The following SYTL3 variants were observed in gnomAD, a reference collection of about 807,000 sequenced individuals.
SYTL3 encodes the protein synaptotagmin like 3.
Under a neutral mutation model 82.1 loss-of-function variants are expected in SYTL3, and 88 were observed. That is an observed-to-expected ratio of 1.07 (90% CI 0.90 to 1.28). The LOEUF is 1.28. SYTL3 is among the 50% of genes most tolerant of loss of function. SYTL3 has a pLI of 0.00. For synonymous variants in SYTL3, 311 were observed against 289.4 expected (o/e 1.07, Z -0.76); for missense variants, 831 against 757.6 (o/e 1.10, Z -1.14).
intron 10 of SYTL3, among the ~76,000 whole-genome samples, chr6:158,719,071 A>G (rs1783767084): frequency 4.6e-5 from 7 of 152,198 alleles, no homozygotes; most frequent in Admixed American, 4.6e-4. Flanking sequence ...AATGAAGATG[A>G]TAATACCTGT....
intron 6 of SYTL3, among the ~76,000 whole-genome samples, chr6:158,689,625 T>G (rs1048695470): frequency 3.9e-5 from 6 of 152,052 alleles, no homozygotes; most frequent in African/African-American, 1.4e-4. Flanking sequence ...AATATCCACA[T>G]TAATTTTCTT....
chr6:158,695,328 A>T (rs964834576), intron 6 of SYTL3, among the ~76,000 whole-genome samples: 3 of 152,226 alleles, frequency 2.0e-5, no homozygotes, highest in Admixed American at 2.0e-4. Flanking sequence ...AAGGTGAAGT[A>T]ATTGAACTGA....
intron 13 of SYTL3, among the ~76,000 whole-genome samples, chr6:158,752,586 G>T (rs966444031): frequency 1.3e-5 from 2 of 152,236 alleles, no homozygotes; most frequent in Non-Finnish European, 2.9e-5. Context: ...TGAGGGCAGA[G>T]ATGGGGCCAT....
intron 11 of SYTL3, among the ~76,000 whole-genome samples, chr6:158,744,294 CTTTTTCTTTCTTTTTTTTTTTTTT>C (rs1562452361): frequency 9.3e-6 from 1 of 107,140 alleles, no homozygotes; most frequent in Non-Finnish European, 1.8e-5. Context: ...TTTTTTTTTT[CTTTTTCTTTCTTTTTTTTTTTTTT>C]TTTTTTGAGA....
At chr6:158,651,503 G>A (rs1215832207) in intron 1 of SYTL3, among the ~76,000 whole-genome samples, 1 of 152,054 alleles carries the variant, frequency 6.6e-6, no homozygotes, top group East Asian at 1.9e-4. Context: ...CAGGGGAATT[G>A]CTTGAACCCG....
intron 8 of SYTL3, among the ~76,000 whole-genome samples, chr6:158,709,263 C>CT (rs1782487192): frequency 1.3e-5 from 2 of 152,158 alleles, no homozygotes; most frequent in East Asian, 3.9e-4. Flanking sequence ...CACACCTAAC[C>CT]TACCAAACAT....
intron 12 of SYTL3, among the ~76,000 whole-genome samples, chr6:158,748,780 C>CG (rs1017575641): frequency 6.7e-6 from 1 of 148,632 alleles, no homozygotes; most frequent in African/African-American, 2.5e-5. Context: ...GGGAGGTAGA[C>CG]GTTGCAGTGA....
intron 14 of SYTL3, 71 bp from the exon 15 acceptor site, chr6:158,760,569 C>A: frequency 7.3e-7 from 1 of 1,374,592 alleles, no homozygotes; most frequent in South Asian, 1.2e-5. Context: ...GAAGCTGAGA[C>A]AACCAGAGGA....
At chr6:158,660,297 A>G (rs1789224064) in intron 2 of SYTL3, among the ~76,000 whole-genome samples, 1 of 152,162 alleles carries the variant, frequency 6.6e-6, no homozygotes, top group Non-Finnish European at 1.5e-5. Flanking sequence ...AACAAAAAAC[A>G]AAAAAACCCG....
intron 11 of SYTL3, among the ~76,000 whole-genome samples, chr6:158,734,094 C>CACAAAA (rs1785813861): frequency 1.3e-5 from 1 of 74,544 alleles, no homozygotes; most frequent in African/African-American, 5.5e-5. Flanking sequence ...GACCCTGTCT[C>CACAAAA]AAAAAAAAAA....
At chr6:158,748,603 G>T (rs1054087729) in intron 12 of SYTL3, among the ~76,000 whole-genome samples, 3 of 152,194 alleles carry the variant, frequency 2.0e-5, no homozygotes, top group African/African-American at 7.2e-5. Flanking sequence ...CCAGCACTCT[G>T]GGAGGCCAAG....
Position 158,707,290 on chromosome 6 carries a change from T to TA in SYTL3, c.446+10dup. ...TCTTATCAGAAGCTGAGGTGAGTGT[T>TA]ACAAAGGACAGACCGTCCCTGGCCC... On this transcript the variant is annotated intron_variant, in intron 7 of 17. Transcript: ENST00000611299. 1 of 1,613,658 alleles carries TA rather than the reference T, an allele frequency of 6.2e-7. No homozygotes were observed. Among genetic ancestry groups the TA allele is most frequent in the East Asian group, 2.2e-5 (1 of 44,888 alleles).
chr6:158,764,069 A>G (rs1274017452), intron 17 of SYTL3, among the ~76,000 whole-genome samples: 1 of 152,226 alleles, frequency 6.6e-6, no homozygotes, highest in Non-Finnish European at 1.5e-5. Context: ...AATAAGCTTC[A>G]CTGCTCCATT....
chr6:158,679,197 C>G (rs1464367201), intron 5 of SYTL3, among the ~76,000 whole-genome samples: 1 of 152,090 alleles, frequency 6.6e-6, no homozygotes, highest in African/African-American at 2.4e-5. Flanking sequence ...TAGTGAAACC[C>G]TGTCTCTACA....
intron 5 of SYTL3, among the ~76,000 whole-genome samples, chr6:158,669,634 C>G (rs1777137336): frequency 6.6e-6 from 1 of 152,218 alleles, no homozygotes; most frequent in African/African-American, 2.4e-5. Context: ...TGTACCACAC[C>G]TGATGCCAAC....
intron 11 of SYTL3, chr6:158,726,253 A>C (rs572708740): frequency 2.3e-6 from 1 of 442,980 alleles, no homozygotes. Context: ...ACAAAATTTC[A>C]GGAGTCTCTT....
intron 3 of SYTL3, among the ~76,000 whole-genome samples, chr6:158,662,283 T>G (rs532401965): frequency 2.0e-4 from 31 of 152,352 alleles, no homozygotes; most frequent in South Asian, 1.4e-3. Context: ...TGCAGAACCT[T>G]TCAGCTGTCA....
At chr6:158,759,423 C>G (rs180994669) in intron 14 of SYTL3, among the ~76,000 whole-genome samples, 8 of 152,250 alleles carry the variant, frequency 5.3e-5, no homozygotes, top group Non-Finnish European at 1.0e-4. Flanking sequence ...CCTGAGGCCT[C>G]TGAGGGTAAC....
intron 13 of SYTL3, among the ~76,000 whole-genome samples, chr6:158,754,899 C>T (rs988284057): frequency 3.3e-5 from 5 of 152,232 alleles, no homozygotes; most frequent in Non-Finnish European, 7.3e-5. Flanking sequence ...AGTGGCGTGG[C>T]GTTCTAGTAA....
Sources: gnomAD v4.1 joint callset for allele counts (sites outside exome capture counted in the v4.1 genomes callset) on GRCh38, gnomAD v4.1.1 for gene constraint, MANE v1.5 for transcripts, NCBI Gene and HGNC (gene_info 2026-07-23, HGNC 2026-07-21) for gene names.